STK31: variants seen among roughly 807,000 people sequenced by gnomAD.
STK31 encodes the protein serine/threonine kinase 31, also known as serine/threonine-protein kinase 31.
Under a neutral mutation model 129.7 loss-of-function variants are expected in STK31, and 89 were observed. The ratio of observed to expected loss-of-function variants is 0.69; its 90% CI spans 0.58 to 0.82. STK31 has a LOEUF of 0.82. Ranked by LOEUF, STK31 falls within the 40% of genes least tolerant of loss-of-function variation. STK31 has a pLI of 0.00. For synonymous variants in STK31, 448 were observed against 395.3 expected (o/e 1.13, Z -1.58); for missense variants, 1,187 against 1,176.4 (o/e 1.01, Z -0.13).
intron 4 of STK31, among the ~76,000 whole-genome samples, chr7:23,725,372 C>CAA (rs57280021): frequency 0.49 from 28,530 of 57,712 alleles, 8,535 homozygotes; most frequent in South Asian, 0.65. Flanking sequence ...CCTGTTTCTA[C>CAA]AAAAAAAAAA....
rs150052181 is a variant in STK31, at chr7:23,748,420, C to A, written c.1018-4297C>A. On this transcript the variant is annotated intron_variant, in intron 8 of 23. Coordinates refer to ENST00000355870, the MANE Select transcript of STK31 (RefSeq NM_031414.5). ...GATCTTGACAGGAATGTATATTCTG[C>A]TGTTATTGGATGAAGCATAGTTCAC... Among the ~76,000 whole-genome samples the A allele has an allele frequency of 3.3e-5, 5 of 152,248 alleles. No individual in the cohort carries two copies. The East Asian group carries it at 9.6e-4, about 29-fold the overall frequency.
At chr7:23,797,146 AC>A (rs1792021152) in intron 22 of STK31, among the ~76,000 whole-genome samples, 1 of 152,134 alleles carries the variant, frequency 6.6e-6, no homozygotes, top group Non-Finnish European at 1.5e-5. Context: ...AGAGACTTAG[AC>A]TCCCACACAA....
chr7:23,714,669 T>C (rs376266230), intron 3 of STK31, among the ~76,000 whole-genome samples: 3 of 152,368 alleles, frequency 2.0e-5, no homozygotes, highest in East Asian at 3.9e-4. Context: ...AGACTAGCCA[T>C]ATTTCAAGTG....
rs928687549 is a variant in STK31, at chr7:23,729,090, G to T, written c.325-1G>T. On this transcript the variant is annotated splice_acceptor_variant, in intron 5 of 23. Coordinates refer to ENST00000355870, the MANE Select transcript of STK31 (RefSeq NM_031414.5). LOFTEE classifies it high-confidence loss of function. ...TCGTATTTGTCTCTTATTTTTTCCA[G>T]TGTCTGGTGAGGTACATTGACTATG... The T allele has an allele frequency of 5.0e-6, 8 of 1,584,210 alleles. No homozygotes were observed. The highest frequency in any genetic ancestry group is 6.8e-6 in the Non-Finnish European group (8 of 1,170,928).
At chr7:23,799,696 A>G (rs1346006099) in intron 22 of STK31, among the ~76,000 whole-genome samples, 3 of 152,236 alleles carry the variant, frequency 2.0e-5, no homozygotes, top group Non-Finnish European at 4.4e-5. Context: ...CTTCATGACT[A>G]AAACACCAAA....
chr7:23,812,155 C>T (rs1052994567), intron 22 of STK31, among the ~76,000 whole-genome samples: 1 of 151,954 alleles, frequency 6.6e-6, no homozygotes, highest in African/African-American at 2.4e-5. Flanking sequence ...TTTCGTTTTC[C>T]CTTATTTGAG....
At chr7:23,830,650 C>T (rs184458910) in intron 23 of STK31, among the ~76,000 whole-genome samples, 1 of 145,998 alleles carries the variant, frequency 6.8e-6, no homozygotes, top group African/African-American at 2.6e-5. Context: ...CTGGGGGTCT[C>T]ACTCTGTTGC....
intron 23 of STK31, among the ~76,000 whole-genome samples, chr7:23,830,203 A>G (rs1340228300): frequency 2.0e-5 from 3 of 152,098 alleles, no homozygotes; most frequent in African/African-American, 7.2e-5. Flanking sequence ...TTAAAGTTTT[A>G]GTACAGCTAG....
At chr7:23,717,096 G>GTTT (rs1584317515) in intron 3 of STK31, among the ~76,000 whole-genome samples, 1 of 41,866 alleles carries the variant, frequency 2.4e-5, no homozygotes, top group African/African-American at 1.3e-4. Flanking sequence ...ATCGCAACCT[G>GTTT]CTTTTTTTTT....
At position 23,736,952 on chromosome 7, in the gene STK31, G is replaced by A. The variant is rs750023302; in HGVS notation, c.891G>A (p.Leu297=). The A allele has an allele frequency of 1.2e-6, 2 of 1,613,010 alleles. No individual in the cohort carries two copies. The highest frequency in any genetic ancestry group is 1.7e-6 in the Non-Finnish European group (2 of 1,179,612). ...GDFNLGSNVS[L]EKIKQDQKLI... is the part of the protein sequence containing the mutation. ...TTAATTTAGGGTCTAACGTCAGCCT[G>A]GAAAAAATTAAGCAGGACCAGAAAC... is the stretch of plus-strand genomic sequence containing the variant. Residue 297 remains leucine (L), a synonymous_variant, in exon 8 of 24, where the codon CTG becomes CTA. Transcript: ENST00000355870.
intron 23 of STK31, among the ~76,000 whole-genome samples, chr7:23,830,777 A>T (rs557236675): frequency 6.6e-6 from 1 of 151,646 alleles, no homozygotes. Flanking sequence ...CTGCCACCAC[A>T]CTCATCTAAT....
At chr7:23,781,342 A>G in intron 15 of STK31, 77 bp from the exon 16 acceptor site, 1 of 1,042,946 alleles carries the variant, frequency 9.6e-7, no homozygotes, top group Non-Finnish European at 1.4e-6. Context: ...AGAGTAATTT[A>G]CTATAGAACT....
At chr7:23,765,558 C>CTTTTT (rs10677070) in intron 11 of STK31, among the ~76,000 whole-genome samples, 2 of 129,602 alleles carry the variant, frequency 1.5e-5, no homozygotes, top group Non-Finnish European at 3.2e-5. Context: ...ACCTCTTATA[C>CTTTTT]TTTTTTTTTT....
At chr7:23,801,375 G>GT (rs1562615366) in intron 22 of STK31, among the ~76,000 whole-genome samples, 1 of 151,980 alleles carries the variant, frequency 6.6e-6, no homozygotes, top group South Asian at 2.1e-4. Flanking sequence ...TCTTTTGCCT[G>GT]TTTTTTAATT....
intron 23 of STK31, among the ~76,000 whole-genome samples, chr7:23,825,155 A>G (rs1249172893): frequency 6.6e-6 from 1 of 152,140 alleles, no homozygotes; most frequent in Non-Finnish European, 1.5e-5. Flanking sequence ...ATTGATTGGA[A>G]TAGTTTCAGA....
At chr7:23,743,540 C>G (rs1354134526) in intron 8 of STK31, among the ~76,000 whole-genome samples, 1 of 151,964 alleles carries the variant, frequency 6.6e-6, no homozygotes, top group Non-Finnish European at 1.5e-5. Context: ...GATGACACGC[C>G]TTTTTCCTTC....
rs181298900 is a variant in STK31 at position 23,794,393 on chromosome 7, A to G, written c.2760+3447A>G. 5.6e-3 allele frequency among the ~76,000 whole-genome samples: 858 copies of G among 152,324 alleles called. 10 individuals are homozygous for G. The highest frequency in any genetic ancestry group is 4.2e-3 in the Non-Finnish European group (287 of 68,030). On this transcript the variant is annotated intron_variant, in intron 22 of 23. Coordinates refer to ENST00000355870, the MANE Select transcript of STK31 (RefSeq NM_031414.5). ...TAAGTTTCCTGAGGAATCCCCAGTC[A>G]TGCTGAACTGTGAGTCAATTAAACC...
At chr7:23,801,078 T>C (rs1023963379) in intron 22 of STK31, among the ~76,000 whole-genome samples, 1 of 152,142 alleles carries the variant, frequency 6.6e-6, no homozygotes, top group Non-Finnish European at 1.5e-5. Flanking sequence ...TACCCAGGAG[T>C]GAAATTTCTG....
At chr7:23,822,944 G>T (rs1793882799) in intron 23 of STK31, among the ~76,000 whole-genome samples, 1 of 152,160 alleles carries the variant, frequency 6.6e-6, no homozygotes, top group African/African-American at 2.4e-5. Context: ...TTTTATGGCT[G>T]CATAGTATTC....
Sources: gnomAD v4.1 joint callset for allele counts (sites outside exome capture counted in the v4.1 genomes callset) on GRCh38, gnomAD v4.1.1 for gene constraint, MANE v1.5 for transcripts, NCBI Gene and HGNC (gene_info 2026-07-23, HGNC 2026-07-21) for gene names.